The following NELL1 variants were observed in gnomAD, a reference collection of about 807,000 sequenced individuals.
NELL1 encodes protein kinase C-binding protein NELL1.
A neutral mutation model predicts 107.4 loss-of-function variants in NELL1; 76 were observed. The ratio of observed to expected loss-of-function variants is 0.71; its 90% CI spans 0.59 to 0.86. The LOEUF is 0.86. NELL1 is among the 40% of genes least tolerant of loss of function. The pLI, the probability that NELL1 is intolerant of heterozygous loss-of-function variation, is 0.00. For missense variants in NELL1, 1,024 were observed against 1,005.5 expected, an observed-to-expected ratio of 1.02 and a Z score of -0.25; for synonymous variants, 353 against 341.2, an observed-to-expected ratio of 1.03 and a Z score of -0.38.
At chr11:21,504,832 C>A (rs1394334322) in intron 15 of NELL1, among the ~76,000 whole-genome samples, 2 of 152,146 alleles carry the variant, frequency 1.3e-5, no homozygotes, top group Admixed American at 6.6e-5. Context: ...ATCCTTGCTG[C>A]CACTCTAACC....
intron 12 of NELL1, among the ~76,000 whole-genome samples, chr11:21,085,090 A>G (rs1012409060): frequency 6.6e-6 from 1 of 152,130 alleles, no homozygotes; most frequent in African/African-American, 2.4e-5. Context: ...AAATTAAATA[A>G]ATGTTAACTA....
chr11:20,689,464 T>G (rs1316844171), intron 2 of NELL1, among the ~76,000 whole-genome samples: 2 of 113,642 alleles, frequency 1.8e-5, no homozygotes, highest in African/African-American at 6.9e-5. Context: ...GTCCCCAGAG[T>G]GTGATGTTCC....
At chr11:21,256,587 A>C (rs1467630477) in intron 14 of NELL1, among the ~76,000 whole-genome samples, 1 of 152,004 alleles carries the variant, frequency 6.6e-6, no homozygotes, top group Admixed American at 6.6e-5. Context: ...AGCTGTGTTC[A>C]TGTTGGCAAA....
chr11:21,364,577 C>T (rs759210294), intron 14 of NELL1, among the ~76,000 whole-genome samples: 2 of 151,934 alleles, frequency 1.3e-5, no homozygotes, highest in Admixed American at 6.6e-5. Flanking sequence ...GAATAGAGTA[C>T]AATAGAGTAG....
At chr11:20,776,879 A>C (rs953393449) in intron 2 of NELL1, among the ~76,000 whole-genome samples, 1 of 152,218 alleles carries the variant, frequency 6.6e-6, no homozygotes, top group Non-Finnish European at 1.5e-5. Flanking sequence ...TCCACTCGTC[A>C]TGTGACCTTG....
At chr11:21,395,093 T>C (rs753515902) in intron 15 of NELL1, among the ~76,000 whole-genome samples, 82 of 151,630 alleles carry the variant, frequency 5.4e-4, no homozygotes, top group Non-Finnish European at 9.9e-4. Flanking sequence ...ATGGACAAAT[T>C]ACCTATGAAA....
chr11:20,956,413 G>A (rs912090916), intron 11 of NELL1, among the ~76,000 whole-genome samples: 4 of 152,212 alleles, frequency 2.6e-5, no homozygotes, highest in Admixed American at 1.3e-4. Context: ...TTGGGAGGCC[G>A]AGGCGGGTAG....
intron 2 of NELL1, chr11:20,770,907 G>A (rs939158152): frequency 2.0e-5 from 3 of 151,560 alleles, no homozygotes; most frequent in Admixed American, 1.3e-4. Flanking sequence ...CAAGGTGAGA[G>A]GCTCCTGTAT....
intron 2 of NELL1, among the ~76,000 whole-genome samples, chr11:20,714,297 A>C (rs972935992): frequency 2.3e-5 from 3 of 131,608 alleles, no homozygotes; most frequent in African/African-American, 8.5e-5. Flanking sequence ...TCTACCTCCC[A>C]GGCTCAAGCA....
At chr11:21,527,695 C>A (rs1004714545) in intron 15 of NELL1, among the ~76,000 whole-genome samples, 1 of 152,222 alleles carries the variant, frequency 6.6e-6, no homozygotes, top group Non-Finnish European at 1.5e-5. Context: ...GATAGTGCAG[C>A]CTTCAGCCTA....
At chr11:21,416,199 T>G (rs900500259) in intron 15 of NELL1, among the ~76,000 whole-genome samples, 47 of 152,124 alleles carry the variant, frequency 3.1e-4, no homozygotes, top group African/African-American at 1.1e-3. Context: ...TTGACTGTAA[T>G]TGATCTACTT....
intron 2 of NELL1, among the ~76,000 whole-genome samples, chr11:20,742,083 G>A (rs1227861766): frequency 6.6e-6 from 1 of 152,182 alleles, no homozygotes; most frequent in Non-Finnish European, 1.5e-5. Flanking sequence ...ATTACTAGCT[G>A]GGGCTTTTCT....
intron 14 of NELL1, among the ~76,000 whole-genome samples, chr11:21,276,160 TCAACC>T (rs1434517873): frequency 1.3e-5 from 2 of 152,178 alleles, no homozygotes; most frequent in African/African-American, 4.8e-5. Flanking sequence ...CCCCATCGTC[TCAACC>T]CAAAATCTCC....
intron 12 of NELL1, among the ~76,000 whole-genome samples, chr11:21,101,625 C>T (rs916080755): frequency 3.3e-5 from 5 of 152,120 alleles, no homozygotes; most frequent in African/African-American, 9.7e-5. Flanking sequence ...CTTTTGGCTG[C>T]ATAAATGTCT....
At chr11:21,520,111 C>T (rs933259277) in intron 15 of NELL1, among the ~76,000 whole-genome samples, 28 of 152,124 alleles carry the variant, frequency 1.8e-4, no homozygotes, top group Non-Finnish European at 4.1e-4. Context: ...GTCAAAGTAG[C>T]ATGATTTCTT....
chr11:21,284,681 C>G, intron 14 of NELL1: 1 of 377,428 alleles, frequency 2.6e-6, no homozygotes, highest in East Asian at 7.3e-5. Context: ...CTGGAGCCAA[C>G]TATGTCTATA....
At chr11:21,376,349 G>A (rs1394533893) in intron 15 of NELL1, among the ~76,000 whole-genome samples, 1 of 152,070 alleles carries the variant, frequency 6.6e-6, no homozygotes, top group Non-Finnish European at 1.5e-5. Flanking sequence ...TTGAAGATCA[G>A]ATGGCTGTGG....
chr11:20,915,830 C>T (rs1297495563), intron 5 of NELL1, among the ~76,000 whole-genome samples: 1 of 148,616 alleles, frequency 6.7e-6, no homozygotes, highest in Non-Finnish European at 1.5e-5. Flanking sequence ...TTAGCAAATG[C>T]TTCTTTTATC....
intron 3 of NELL1, among the ~76,000 whole-genome samples, chr11:20,810,887 T>C (rs1464779097): frequency 6.6e-6 from 1 of 152,074 alleles, no homozygotes; most frequent in Non-Finnish European, 1.5e-5. Context: ...TAGTTTCTTA[T>C]ATATTTTTTA....
Sources: gnomAD v4.1 joint callset for allele counts (sites outside exome capture counted in the v4.1 genomes callset) on GRCh38, gnomAD v4.1.1 for gene constraint, MANE v1.5 for transcripts, NCBI Gene and HGNC (gene_info 2026-07-23, HGNC 2026-07-21) for gene names.